Variants in SOX6 observed in about 807,000 individuals in gnomAD.
The protein encoded by SOX6 is SRY-box transcription factor 6, also known as transcription factor SOX-6.
In SOX6, 11 loss-of-function variants were observed where a neutral mutation model predicts 97.8. The ratio of observed to expected loss-of-function variants is 0.11; its 90% CI spans 0.07 to 0.19. SOX6 has a LOEUF of 0.19. Among genes scored for constraint, SOX6 ranks in the 10% least tolerant of loss-of-function variants. The pLI is 1.00. For missense variants in SOX6, 810 were observed against 1,039.5 expected (o/e 0.78, Z 3.04); for synonymous variants, 360 against 371.4 (o/e 0.97, Z 0.35).
chr11:16,492,059 TC>T (rs1189034289), intron 4 of SOX6, among the ~76,000 whole-genome samples: 7 of 152,134 alleles, frequency 4.6e-5, no homozygotes, highest in Non-Finnish European at 1.0e-4. Flanking sequence ...CTTAAGAATG[TC>T]CTCATGAATT....
rs376672338 is a variant in SOX6 at position 16,015,013 on chromosome 11, G to T, written c.1661C>A (p.Thr554Lys). The T allele has an allele frequency of 6.2e-7, 1 of 1,612,728 alleles. No homozygotes were observed. The highest frequency in any genetic ancestry group is 1.7e-5 in the Admixed American group (1 of 59,804). ...TRFENLGPQL[T>K]GKSNEDGKLG... ...TTTTCCATCTTCATTTGACTTTCCC[G>T]TTAACTGGGGCCCCAAATTCTCAAA... The change falls in exon 13 of 16, where the codon ACG becomes AAG. Residue 554 changes from threonine (T) to lysine (K), a missense_variant. Transcript: ENST00000683767.
intron 9 of SOX6, among the ~76,000 whole-genome samples, chr11:16,073,711 T>TA (rs1203136154): frequency 1.3e-5 from 2 of 151,914 alleles, no homozygotes; most frequent in Non-Finnish European, 2.9e-5. Context: ...CTCAACAAGT[T>TA]AAAAAAATAA....
intron 6 of SOX6, among the ~76,000 whole-genome samples, chr11:16,178,129 G>C (rs771790072): frequency 1.3e-5 from 2 of 151,954 alleles, no homozygotes; most frequent in Non-Finnish European, 2.9e-5. Flanking sequence ...CCATTGAGTA[G>C]CTCTTGGGAT....
intron 1 of SOX6, among the ~76,000 whole-genome samples, chr11:16,405,715 C>A (rs1411430204): frequency 6.6e-6 from 1 of 152,022 alleles, no homozygotes; most frequent in Non-Finnish European, 1.5e-5. Context: ...ATCCAACCTT[C>A]CCCATCCTAT....
At chr11:16,450,946 G>T (rs1014864819) in intron 1 of SOX6, among the ~76,000 whole-genome samples, 2 of 152,102 alleles carry the variant, frequency 1.3e-5, no homozygotes, top group Non-Finnish European at 2.9e-5. Context: ...TTAATGATTT[G>T]AGGGGCACTG....
rs1350974602 is a variant in SOX6 at position 16,452,683 on chromosome 11, C to T, written c.-5+23632G>A. On this transcript the variant is annotated intron_variant, in intron 1 of 15. Coordinates refer to the SOX6 transcript ENST00000396356. The stretch of plus-strand genomic sequence containing the variant: ...GAGTTGAACTGTAAAAATGAGATTT[C>T]CTGGGACTTTGCTTTCCCTTAGAAA... Among the ~76,000 whole-genome samples, 4 of 152,018 alleles carry T rather than the reference C, an allele frequency of 2.6e-5. No homozygotes were observed. In the East Asian group the frequency reaches 7.7e-4, roughly 29 times the overall value.
At chr11:16,324,860 C>T (rs1195655365) in intron 2 of SOX6, among the ~76,000 whole-genome samples, 1 of 152,096 alleles carries the variant, frequency 6.6e-6, no homozygotes, top group Non-Finnish European at 1.5e-5. Context: ...CACATGTTCT[C>T]ACTCACATGT....
At chr11:16,228,779 C>A (rs1362760096) in intron 4 of SOX6, among the ~76,000 whole-genome samples, 2 of 152,104 alleles carry the variant, frequency 1.3e-5, no homozygotes, top group Non-Finnish European at 2.9e-5. Flanking sequence ...GTCCACCTTA[C>A]ATATAGACAA....
At chr11:16,448,995 C>T (rs566385766) in intron 1 of SOX6, among the ~76,000 whole-genome samples, 2 of 152,310 alleles carry the variant, frequency 1.3e-5, no homozygotes, top group Admixed American at 6.5e-5. Context: ...GATTACACCA[C>T]TGCACTTCAG....
chr11:16,562,223 GGA>G (rs2133192642), intron 4 of SOX6, among the ~76,000 whole-genome samples: 1 of 152,128 alleles, frequency 6.6e-6, no homozygotes, highest in Non-Finnish European at 1.5e-5. Context: ...TAAAAACCCT[GGA>G]CACTGTATAT....
At chr11:15,989,971 T>A (rs1267988322) in intron 13 of SOX6, among the ~76,000 whole-genome samples, 3 of 152,120 alleles carry the variant, frequency 2.0e-5, no homozygotes, top group Non-Finnish European at 4.4e-5. Context: ...GGAGATGTGA[T>A]GTCTAAACCG....
At chr11:16,038,323 A>G (rs1177923530) in intron 12 of SOX6, among the ~76,000 whole-genome samples, 1 of 152,148 alleles carries the variant, frequency 6.6e-6, no homozygotes, top group Non-Finnish European at 1.5e-5. Flanking sequence ...CATAGAAACT[A>G]TGCAAATTAA....
intron 3 of SOX6, among the ~76,000 whole-genome samples, chr11:16,641,514 T>C (rs2134004742): frequency 1.3e-5 from 2 of 152,184 alleles, no homozygotes. Flanking sequence ...GGTGTTAAAG[T>C]CTCTCGTTAT....
chr11:16,308,428 CAATT>C (rs1218018679), intron 3 of SOX6, among the ~76,000 whole-genome samples: 3 of 152,132 alleles, frequency 2.0e-5, no homozygotes, highest in Non-Finnish European at 1.5e-5. Context: ...GTGCTTAGAT[CAATT>C]AATTAATTAT....
At chr11:16,098,011 C>T (rs1417519399) in intron 7 of SOX6, among the ~76,000 whole-genome samples, 4 of 151,832 alleles carry the variant, frequency 2.6e-5, no homozygotes, top group African/African-American at 7.2e-5. Context: ...GCCAGGCTGA[C>T]ACTCAGTACA....
At chr11:16,521,534 A>T (rs1017283863) in intron 4 of SOX6, among the ~76,000 whole-genome samples, 2 of 152,186 alleles carry the variant, frequency 1.3e-5, no homozygotes, top group Admixed American at 1.3e-4. Flanking sequence ...ATGGGGAAAA[A>T]AACAGAGCAG....
intron 3 of SOX6, among the ~76,000 whole-genome samples, chr11:16,694,980 G>A (rs1325368202): frequency 6.6e-6 from 1 of 152,182 alleles, no homozygotes; most frequent in Admixed American, 6.5e-5. Flanking sequence ...TTAAATACAT[G>A]GGAGGATGTG....
At position 16,411,642 on chromosome 11, in the gene SOX6, T is replaced by A. The variant is rs553699218; in HGVS notation, c.-5+64673A>T. Among the ~76,000 whole-genome samples, 16 of 152,252 alleles carry A rather than the reference T, an allele frequency of 1.1e-4. No individual in the cohort carries two copies. The South Asian group carries it at 3.1e-3, about 30-fold the overall frequency. ...CCTAGTCTTTACATGCATATTTCAA[T>A]ATAAAAACACAAACAAAATGCAGAC... On this transcript the variant is annotated intron_variant, in intron 1 of 15. Transcript: ENST00000396356.
rs181307409 is a variant in SOX6, at chr11:16,496,653, G to A, written n.610-20265C>T. Among the ~76,000 whole-genome samples, 860 of 152,276 alleles carry A rather than the reference G, an allele frequency of 5.6e-3. 8 individuals are homozygous for A. The highest frequency in any genetic ancestry group is 0.019 in the African/African-American group (806 of 41,552). On this transcript the variant is annotated intron_variant and non_coding_transcript_variant, in intron 4 of 5. Coordinates refer to the SOX6 transcript ENST00000524520. The stretch of plus-strand genomic sequence containing the variant: ...CACTTTTCCAATGGTCTTAGCAAAC[G>A]GCACACCAGGAGATTGTATCCCGTG...
Sources: gnomAD v4.1 joint callset for allele counts (sites outside exome capture counted in the v4.1 genomes callset) on GRCh38, gnomAD v4.1.1 for gene constraint, MANE v1.5 for transcripts, NCBI Gene and HGNC (gene_info 2026-07-23, HGNC 2026-07-21) for gene names.